The following KSR1 variants were observed in gnomAD, a reference collection of about 807,000 sequenced individuals.
KSR1 encodes the protein kinase suppressor of ras.
KSR1 carries 35 observed loss-of-function variants against 92.9 expected under a neutral mutation model. That is an observed-to-expected ratio of 0.38 (90% CI 0.29 to 0.50). The LOEUF (loss-of-function observed/expected upper bound fraction) is 0.50, where lower values mean the gene tolerates loss of function less well. Ranked by LOEUF, KSR1 falls within the 20% of genes least tolerant of loss-of-function variation. The pLI is 0.94. For synonymous variants in KSR1, 467 were observed against 472.6 expected (o/e 0.99, Z 0.15); for missense variants, 972 against 1,158.5 (o/e 0.84, Z 2.34).
chr17:27,550,488 C>A, intron 1 of KSR1, 80 bp from the exon 2 acceptor site: 1 of 726,984 alleles, frequency 1.4e-6, no homozygotes, highest in Non-Finnish European at 2.6e-6. Flanking sequence ...TCTGCCTGAG[C>A]TCCTCTGTAG....
chr17:27,532,974 C>T (rs181851276), intron 1 of KSR1, among the ~76,000 whole-genome samples: 12 of 152,326 alleles, frequency 7.9e-5, no homozygotes, highest in African/African-American at 2.2e-4. Context: ...AGCTGGGTGA[C>T]GTTGGGTTGG....
intron 5 of KSR1, among the ~76,000 whole-genome samples, chr17:27,586,946 C>T (rs559869376): frequency 5.9e-5 from 9 of 152,206 alleles, no homozygotes; most frequent in Non-Finnish European, 1.3e-4. Context: ...AATCTCAGCT[C>T]ACTGCAGCCT....
intron 11 of KSR1, among the ~76,000 whole-genome samples, chr17:27,603,292 A>G (rs986402252): frequency 6.6e-6 from 1 of 152,196 alleles, no homozygotes; most frequent in African/African-American, 2.4e-5. Context: ...CCTGAAGCCG[A>G]GGGCTCGGGG....
chr17:27,487,693 C>G (rs2068709608), intron 1 of KSR1, among the ~76,000 whole-genome samples: 1 of 152,084 alleles, frequency 6.6e-6, no homozygotes, highest in Non-Finnish European at 1.5e-5. Context: ...GCGTCTCACC[C>G]TGTCGCCCAG....
At chr17:27,527,155 A>C in intron 1 of KSR1, 1 of 277,196 alleles carries the variant, frequency 3.6e-6, no homozygotes, top group Non-Finnish European at 7.3e-6. Context: ...TTTCTACTAA[A>C]ATCAGCAGGG....
At chr17:27,457,692 G>C (rs1383095614) in intron 1 of KSR1, among the ~76,000 whole-genome samples, 1 of 152,170 alleles carries the variant, frequency 6.6e-6, no homozygotes, top group Non-Finnish European at 1.5e-5. Context: ...CCAGCCCGAG[G>C]GTTGTTGGGG....
chr17:27,580,477 C>T (rs2072707418), intron 3 of KSR1, among the ~76,000 whole-genome samples: 1 of 152,172 alleles, frequency 6.6e-6, no homozygotes, highest in Non-Finnish European at 1.5e-5. Flanking sequence ...TGAGAAGTGG[C>T]TTGACCACCT....
In KSR1 at chr17:27,577,961, T is replaced by G; in HGVS notation, c.520+322T>G. 2 of 447,178 alleles carry G rather than the reference T, an allele frequency of 4.5e-6. No homozygotes were observed. The highest frequency in any genetic ancestry group is 2.0e-5 in the African/African-American group (1 of 49,866). 27.7% of individuals were successfully genotyped at this position (447,178 alleles called of 1,614,324 possible). ...GTGTACCCTCTGCCAGCTTCCCACA[T>G]TCCAGCCCCCAGCCCTCTCCCCGTC... On this transcript the variant is annotated intron_variant, in intron 3 of 20. Coordinates refer to ENST00000644974, the MANE Select transcript of KSR1 (RefSeq NM_001394583.1). The surrounding 1 kb of genome is among the most constrained non-coding windows in gnomAD (Gnocchi z 4.5).
chr17:27,514,389 T>C (rs1597920473), intron 1 of KSR1, among the ~76,000 whole-genome samples: 1 of 152,204 alleles, frequency 6.6e-6, no homozygotes, highest in East Asian at 1.9e-4. Flanking sequence ...CTGGGGACAG[T>C]AGCTCACGCC....
At chr17:27,567,420 G>C (rs756837422) in intron 2 of KSR1, among the ~76,000 whole-genome samples, 31 of 152,258 alleles carry the variant, frequency 2.0e-4, no homozygotes, top group Middle Eastern at 3.4e-3. Flanking sequence ...GTGAAACCTC[G>C]TCTCTTTTTT....
At chr17:27,594,759 C>A (rs1450815071) in intron 9 of KSR1, among the ~76,000 whole-genome samples, 6 of 152,180 alleles carry the variant, frequency 3.9e-5, no homozygotes, top group Admixed American at 3.9e-4. Context: ...CTGCCCACCC[C>A]ACATTCCCCT....
chr17:27,478,148 A>T (rs1481255938), intron 1 of KSR1, among the ~76,000 whole-genome samples: 1 of 152,238 alleles, frequency 6.6e-6, no homozygotes, highest in Non-Finnish European at 1.5e-5. Flanking sequence ...CTTGGCACAC[A>T]GTAAGTGCTG....
At chr17:27,609,833 A>G (rs2073865942) in intron 16 of KSR1, 2 of 448,600 alleles carry the variant, frequency 4.5e-6, no homozygotes, top group Non-Finnish European at 7.9e-6. Context: ...CTCCCTGTCA[A>G]TATTTATCCA....
At chr17:27,492,339 T>G (rs929125116) in intron 1 of KSR1, among the ~76,000 whole-genome samples, 7 of 152,186 alleles carry the variant, frequency 4.6e-5, no homozygotes, top group Non-Finnish European at 1.0e-4. Context: ...TCTCCTCAAC[T>G]CACCTTTGCA....
At chr17:27,548,488 G>A (rs762179617) in intron 1 of KSR1, among the ~76,000 whole-genome samples, 2 of 151,890 alleles carry the variant, frequency 1.3e-5, no homozygotes, top group African/African-American at 2.4e-5. Context: ...CTAAGGTCCC[G>A]GTGCAGTGGT....
chr17:27,590,719 C>T, intron 6 of KSR1, 92 bp from the exon 7 acceptor site: 1 of 1,200,472 alleles, frequency 8.3e-7, no homozygotes, highest in Non-Finnish European at 1.2e-6. Flanking sequence ...GCCAAGACTC[C>T]CAGTTGCCCT....
intron 1 of KSR1, among the ~76,000 whole-genome samples, chr17:27,514,076 CCATA>C (rs2151007196): frequency 6.6e-6 from 1 of 152,356 alleles, no homozygotes; most frequent in African/African-American, 2.4e-5. Context: ...AACGCCTTTG[CCATA>C]AAGCACTTTT....
intron 1 of KSR1, among the ~76,000 whole-genome samples, chr17:27,548,651 G>A (rs754592289): frequency 2.0e-5 from 3 of 152,102 alleles, no homozygotes; most frequent in South Asian, 2.1e-4. Flanking sequence ...CCAACATGGC[G>A]AAAACCCGTC....
At chr17:27,608,588 A>T (rs1906440511) in intron 15 of KSR1, among the ~76,000 whole-genome samples, 1 of 151,960 alleles carries the variant, frequency 6.6e-6, no homozygotes, top group Admixed American at 6.6e-5. Flanking sequence ...AGGTGAGGAA[A>T]CCAGTCTTCA....
Sources: gnomAD v4.1 joint callset for allele counts (sites outside exome capture counted in the v4.1 genomes callset) on GRCh38, gnomAD v4.1.1 for gene constraint, Gnocchi (gnomAD v3.1) non-coding constraint, MANE v1.5 for transcripts, NCBI Gene and HGNC (gene_info 2026-07-23, HGNC 2026-07-21) for gene names.